Variants in GABRB3 observed in about 807,000 individuals in gnomAD.
GABRB3 encodes gamma-aminobutyric acid receptor subunit beta-3.
In GABRB3, 14 loss-of-function variants were observed where a neutral mutation model predicts 52.1. The ratio of observed to expected loss-of-function variants is 0.27; its 90% CI spans 0.18 to 0.42. The LOEUF is 0.42. GABRB3 is among the 10% of genes least tolerant of loss of function. The pLI is 1.00. For synonymous variants in GABRB3, 260 were observed against 232.3 expected (o/e 1.12, Z -1.08); for missense variants, 307 against 609.1 (o/e 0.50, Z 5.22).
rs563529051 is a variant in GABRB3 at position 26,555,877 on chromosome 15, A to C, written c.1080+5055T>G. Among the ~76,000 whole-genome samples the C allele has an allele frequency of 3.3e-5, 5 of 152,344 alleles. No homozygotes were observed. The South Asian group carries it at 1.0e-3, about 32-fold the overall frequency. On this transcript the variant is annotated intron_variant, in intron 8 of 8. Transcript: ENST00000311550. ...GGTTTTCATTTAAGCATGAACCAGT[A>C]TGTAGAAAATTTCCACAAAAATTAC...
At chr15:26,603,569 T>C (rs1891662680) in intron 4 of GABRB3, among the ~76,000 whole-genome samples, 1 of 152,088 alleles carries the variant, frequency 6.6e-6, no homozygotes, top group Admixed American at 6.6e-5. Flanking sequence ...AAAACAATCA[T>C]TTATCAAGAC....
At chr15:26,759,549 G>A (rs1182933575) in intron 3 of GABRB3, among the ~76,000 whole-genome samples, 2 of 152,140 alleles carry the variant, frequency 1.3e-5, no homozygotes, top group African/African-American at 2.4e-5. Context: ...ATGAGCCACC[G>A]TGCCCAGCCA....
At chr15:26,589,635 G>A (rs369070765) in intron 4 of GABRB3, among the ~76,000 whole-genome samples, 5 of 152,000 alleles carry the variant, frequency 3.3e-5, no homozygotes, top group African/African-American at 9.7e-5. Flanking sequence ...CCTTTTGAAT[G>A]TTTTCATTAC....
intron 3 of GABRB3, among the ~76,000 whole-genome samples, chr15:26,637,745 C>T (rs1297571164): frequency 6.6e-6 from 1 of 152,196 alleles, no homozygotes; most frequent in African/African-American, 2.4e-5. Context: ...ATTGTCTTGG[C>T]CACCTGAAGC....
At chr15:26,550,000 T>TA (rs1889397938) in intron 8 of GABRB3, 1 of 152,242 alleles carries the variant, frequency 6.6e-6, no homozygotes, top group Admixed American at 6.5e-5. Context: ...AAGCTCACCA[T>TA]ACTCACCAGA....
At chr15:26,663,504 T>C (rs1218345806) in intron 3 of GABRB3, among the ~76,000 whole-genome samples, 3 of 152,216 alleles carry the variant, frequency 2.0e-5, no homozygotes, top group Non-Finnish European at 4.4e-5. Context: ...TTAATCTACA[T>C]TATCTGACAT....
intron 3 of GABRB3, among the ~76,000 whole-genome samples, chr15:26,766,868 C>T (rs919221544): frequency 6.6e-6 from 1 of 152,254 alleles, no homozygotes; most frequent in African/African-American, 2.4e-5. Flanking sequence ...CACAACAGGA[C>T]CATGCATGTA....
intron 4 of GABRB3, among the ~76,000 whole-genome samples, chr15:26,605,357 G>C (rs974833213): frequency 6.6e-6 from 1 of 152,096 alleles, no homozygotes; most frequent in Non-Finnish European, 1.5e-5. Flanking sequence ...ATTTGGAGGT[G>C]CCTCAAAAAA....
rs11637141 is a variant in GABRB3 at position 26,547,268 on chromosome 15, C to G, written c.*525G>C. ...AGAAGCCTTTGCTTACTAAACTGAA[C>G]GAGAGGATATGAAGTAAGTGACTCA... On this transcript the variant is annotated 3_prime_UTR_variant, in exon 9 of 9. Coordinates refer to ENST00000311550, the MANE Select transcript of GABRB3 (RefSeq NM_000814.6). The G allele has an allele frequency of 5.7e-6, 2 of 351,136 alleles. No individual in the cohort carries two copies. The highest frequency in any genetic ancestry group is 4.5e-5 in the Admixed American group (1 of 22,262). The allele number at this position is 351,136 out of a possible 1,614,324, so 21.8% of individuals were successfully genotyped here. A position where few individuals can be genotyped will look rare whatever the true frequency, so the allele number is the denominator to read the frequency against.
At chr15:26,552,650 G>A in intron 8 of GABRB3, among the ~76,000 whole-genome samples, 1 of 152,184 alleles carries the variant, frequency 6.6e-6, no homozygotes, top group East Asian at 1.9e-4. Flanking sequence ...AGGGAGGAGG[G>A]CTTGACTGGG....
At chr15:26,616,302 C>T (rs1222476720) in intron 4 of GABRB3, among the ~76,000 whole-genome samples, 5 of 151,182 alleles carry the variant, frequency 3.3e-5, no homozygotes, top group Admixed American at 1.3e-4. Context: ...AAAGAATATG[C>T]GTATATGAGT....
At chr15:26,714,422 A>T (rs1026004221) in intron 3 of GABRB3, among the ~76,000 whole-genome samples, 1 of 152,210 alleles carries the variant, frequency 6.6e-6, no homozygotes, top group Non-Finnish European at 1.5e-5. Flanking sequence ...TGGTCAGAAC[A>T]CAGTTTGGTT....
intron 8 of GABRB3, among the ~76,000 whole-genome samples, chr15:26,554,176 G>GAGTATATATATATATATATA (rs71420007): frequency 3.7e-4 from 10 of 27,314 alleles, no homozygotes; most frequent in Non-Finnish European, 5.9e-4. Context: ...TATATATAAA[G>GAGTATATATATATATATATA]TATATATATA....
At chr15:26,693,413 T>C (rs1888644210) in intron 3 of GABRB3, among the ~76,000 whole-genome samples, 1 of 152,128 alleles carries the variant, frequency 6.6e-6, no homozygotes, top group Non-Finnish European at 1.5e-5. Flanking sequence ...TGCGAGATCA[T>C]GCTAAATACA....
chr15:26,727,653 T>C (rs1252372817), intron 3 of GABRB3, among the ~76,000 whole-genome samples: 1 of 152,180 alleles, frequency 6.6e-6, no homozygotes, highest in Non-Finnish European at 1.5e-5. Context: ...AAGCCAGGTA[T>C]GCTCAAATGA....
At chr15:26,568,696 T>C (rs991807838) in intron 6 of GABRB3, among the ~76,000 whole-genome samples, 3 of 150,402 alleles carry the variant, frequency 2.0e-5, no homozygotes, top group African/African-American at 7.3e-5. Flanking sequence ...TTTGTATGTT[T>C]AGTAGAGACA....
At chr15:26,576,808 T>G (rs1179157395) in intron 6 of GABRB3, among the ~76,000 whole-genome samples, 4 of 152,118 alleles carry the variant, frequency 2.6e-5, no homozygotes, top group African/African-American at 7.2e-5. Flanking sequence ...ACAGCTTGGG[T>G]TGGTTATACT....
chr15:26,761,927 C>T (rs1266597939), intron 3 of GABRB3, among the ~76,000 whole-genome samples: 2 of 152,104 alleles, frequency 1.3e-5, no homozygotes, highest in Non-Finnish European at 2.9e-5. Context: ...CTCTGCCTCC[C>T]GGGTTCAAGA....
intron 3 of GABRB3, among the ~76,000 whole-genome samples, chr15:26,753,248 C>A (rs1226399914): frequency 6.6e-6 from 1 of 152,108 alleles, no homozygotes. Context: ...ACACATCAAG[C>A]GGGCACTGTA....
Sources: gnomAD v4.1 joint callset for allele counts (sites outside exome capture counted in the v4.1 genomes callset) on GRCh38, gnomAD v4.1.1 for gene constraint, MANE v1.5 for transcripts, NCBI Gene and HGNC (gene_info 2026-07-23, HGNC 2026-07-21) for gene names.